Variants in CDH13 observed in about 807,000 individuals in gnomAD.
CDH13 encodes the protein cadherin 13.
CDH13 carries 24 observed loss-of-function variants against 63.8 expected under a neutral mutation model. The observed-to-expected ratio is 0.38, with a 90% CI of 0.27 to 0.53. The LOEUF (loss-of-function observed/expected upper bound fraction) is 0.53, where lower values mean the gene tolerates loss of function less well. Among genes scored for constraint, CDH13 ranks in the 20% least tolerant of loss-of-function variants. The pLI is 0.85. For missense variants in CDH13, 1,049 were observed against 903.1 expected, an observed-to-expected ratio of 1.16 and a Z score of -2.07; for synonymous variants, 503 against 355.3, an observed-to-expected ratio of 1.42 and a Z score of -4.67.
intron 6 of CDH13, among the ~76,000 whole-genome samples, chr16:83,378,108 C>T (rs2091490079): frequency 6.6e-6 from 1 of 152,202 alleles, no homozygotes; most frequent in Non-Finnish European, 1.5e-5. Context: ...CCTAAGAGCA[C>T]ACCTTGCAGA....
At chr16:82,819,961 T>A (rs762451654) in intron 1 of CDH13, among the ~76,000 whole-genome samples, 7 of 152,120 alleles carry the variant, frequency 4.6e-5, no homozygotes, top group Non-Finnish European at 8.8e-5. Flanking sequence ...AACTGGCTAC[T>A]GTTAAAATTT....
chr16:83,096,945 CT>C (rs982413253), intron 3 of CDH13, among the ~76,000 whole-genome samples: 4 of 151,792 alleles, frequency 2.6e-5, no homozygotes, highest in African/African-American at 7.3e-5. Context: ...TATTTTTTTT[CT>C]GAGCACGGTT....
intron 13 of CDH13, among the ~76,000 whole-genome samples, chr16:83,790,524 C>G (rs192837347): frequency 2.0e-5 from 3 of 152,138 alleles, no homozygotes; most frequent in Non-Finnish European, 2.9e-5. Flanking sequence ...CTCAGCCTCC[C>G]GAGTGGCTGA....
intron 2 of CDH13, among the ~76,000 whole-genome samples, chr16:82,990,699 A>T (rs7200520): frequency 6.6e-6 from 1 of 151,846 alleles, no homozygotes; most frequent in Non-Finnish European, 1.5e-5. Context: ...GGTGCATGCC[A>T]CCAGGACCAG....
chr16:83,589,285 C>CCA (rs1281188155), intron 7 of CDH13, among the ~76,000 whole-genome samples: 3 of 128,260 alleles, frequency 2.3e-5, no homozygotes, highest in Non-Finnish European at 3.4e-5. Flanking sequence ...CTTTCCCCCC[C>CCA]CCGGACCCCT....
intron 5 of CDH13, among the ~76,000 whole-genome samples, chr16:83,339,780 C>T (rs780362426): frequency 2.6e-5 from 4 of 152,200 alleles, no homozygotes; most frequent in Non-Finnish European, 5.9e-5. Context: ...CTCCCATGAT[C>T]AGCCAAGCTT....
At chr16:83,190,890 C>G (rs2038676071) in intron 4 of CDH13, among the ~76,000 whole-genome samples, 1 of 152,000 alleles carries the variant, frequency 6.6e-6, no homozygotes, top group African/African-American at 2.4e-5. Flanking sequence ...ATTGAATCCT[C>G]TTTTGTTACT....
At chr16:82,853,983 C>T (rs1597805897) in intron 1 of CDH13, among the ~76,000 whole-genome samples, 1 of 152,170 alleles carries the variant, frequency 6.6e-6, no homozygotes. Flanking sequence ...CTAATTCTTA[C>T]AGCAATGAGG....
intron 6 of CDH13, among the ~76,000 whole-genome samples, chr16:83,395,599 T>A (rs2151435623): frequency 6.6e-6 from 1 of 152,256 alleles, no homozygotes; most frequent in East Asian, 1.9e-4. Flanking sequence ...CATTGAAGTG[T>A]TGAAGTTTTC....
intron 6 of CDH13, among the ~76,000 whole-genome samples, chr16:83,420,668 C>G (rs372103712): frequency 2.6e-5 from 4 of 152,178 alleles, no homozygotes; most frequent in African/African-American, 9.6e-5. Flanking sequence ...GATAATTCAC[C>G]CACGTGATTA....
At chr16:83,204,997 A>C (rs1225428125) in intron 4 of CDH13, among the ~76,000 whole-genome samples, 2 of 152,248 alleles carry the variant, frequency 1.3e-5, no homozygotes, top group African/African-American at 4.8e-5. Flanking sequence ...TCCAGGTCCA[A>C]ATGGCCAAGG....
At chr16:82,707,233 G>T (rs998824373) in intron 1 of CDH13, among the ~76,000 whole-genome samples, 2 of 152,208 alleles carry the variant, frequency 1.3e-5, no homozygotes, top group African/African-American at 4.8e-5. Flanking sequence ...CTGAACAAAA[G>T]CCATTGCTAA....
intron 5 of CDH13, among the ~76,000 whole-genome samples, chr16:83,249,465 G>C (rs540758219): frequency 6.6e-6 from 1 of 152,252 alleles, no homozygotes; most frequent in East Asian, 1.9e-4. Flanking sequence ...AGTTATCGAT[G>C]ATATTAACTT....
At chr16:83,347,306 T>A (rs1453614596) in intron 6 of CDH13, among the ~76,000 whole-genome samples, 1 of 150,350 alleles carries the variant, frequency 6.7e-6, no homozygotes, top group African/African-American at 2.5e-5. Context: ...ATCCCATGTG[T>A]TGTAGAAATT....
chr16:83,455,951 C>T (rs1035286776), intron 6 of CDH13, among the ~76,000 whole-genome samples: 4 of 152,238 alleles, frequency 2.6e-5, no homozygotes, highest in East Asian at 1.9e-4. Flanking sequence ...GAATAAGAGG[C>T]ATGTTGCATC....
chr16:83,648,869 A>G (rs939403339), intron 8 of CDH13, among the ~76,000 whole-genome samples: 1 of 150,118 alleles, frequency 6.7e-6, no homozygotes, highest in East Asian at 2.0e-4. Flanking sequence ...TCTTTTCCTA[A>G]CTTTTTTGCA....
intron 1 of CDH13, among the ~76,000 whole-genome samples, chr16:82,665,858 C>G (rs866070327): frequency 2.0e-5 from 3 of 152,234 alleles, no homozygotes; most frequent in Non-Finnish European, 2.9e-5. Context: ...ATACAAAGCC[C>G]ATTTTATAAT....
At chr16:83,623,337 G>A (rs994083483) in intron 8 of CDH13, among the ~76,000 whole-genome samples, 1 of 152,078 alleles carries the variant, frequency 6.6e-6, no homozygotes, top group South Asian at 2.1e-4. Context: ...TTTCACTTGG[G>A]CCCTTTCAGC....
Position 82,686,408 on chromosome 16 carries a change from T to C in CDH13, c.45+59271T>C, listed in dbSNP as rs184762862. ...CAGAGGGTCTTAGCATCCATTTGGG[T>C]GCCAGCTTCCCTTGTGTGATTGGTT... On this transcript the variant is annotated intron_variant, in intron 1 of 13. Transcript: ENST00000567109. 3.0e-3 allele frequency among the ~76,000 whole-genome samples: 461 copies of C among 152,280 alleles called. 6 individuals are homozygous for C. The highest frequency in any genetic ancestry group is 0.011 in the African/African-American group (441 of 41,556).
Sources: allele counts gnomAD v4.1 joint callset (sites outside exome capture counted in the v4.1 genomes callset), GRCh38; gene constraint gnomAD v4.1.1; transcripts MANE v1.5; gene names NCBI Gene and HGNC (gene_info 2026-07-23, HGNC 2026-07-21).